Variants in CELF5 observed in about 807,000 individuals in gnomAD.
CELF5 encodes CUGBP Elav-like family member 5, also known as CUG-BP and ETR-3 like factor 5.
Under a neutral mutation model 54.9 loss-of-function variants are expected in CELF5, and 6 were observed. That is an observed-to-expected ratio of 0.11 (90% CI 0.06 to 0.22). The LOEUF (loss-of-function observed/expected upper bound fraction) is 0.22, where lower values mean the gene tolerates loss of function less well. Among genes scored for constraint, CELF5 ranks in the 10% least tolerant of loss-of-function variants. The pLI is 1.00. For missense variants in CELF5, 401 were observed against 678.6 expected, an observed-to-expected ratio of 0.59 and a Z score of 4.54; for synonymous variants, 271 against 290.9, an observed-to-expected ratio of 0.93 and a Z score of 0.70.
Position 3,228,010 on chromosome 19 carries a change from A to T in CELF5, c.259+3012A>T, listed in dbSNP as rs560492218. ...GTGCTGAGACTCAGAGAAAGGCAGG[A>T]GGCCTCATCCAGGAGCGGGGCAGGG... On this transcript the variant is annotated intron_variant, in intron 1 of 12. Transcript: ENST00000292672. The surrounding 1 kb of genome is among the most constrained non-coding windows in gnomAD (Gnocchi z 6.0). Among the ~76,000 whole-genome samples, 1 of 152,016 alleles carries T rather than the reference A, an allele frequency of 6.6e-6. No homozygotes were observed. Among genetic ancestry groups the T allele is most frequent in the East Asian group, 1.9e-4 (1 of 5,154 alleles).
At chr19:3,296,026 A>C (rs1039292194) in intron 12 of CELF5, 1 of 151,732 alleles carries the variant, frequency 6.6e-6, no homozygotes, top group Non-Finnish European at 1.5e-5. Context: ...ACTGGAGACG[A>C]ACTTGATAAT....
At chr19:3,283,985 G>A (rs575801607) in intron 8 of CELF5, among the ~76,000 whole-genome samples, 1 of 151,792 alleles carries the variant, frequency 6.6e-6, no homozygotes, top group South Asian at 2.1e-4. Flanking sequence ...CTACAGGCAC[G>A]TGCCATTATG....
intron 2 of CELF5, among the ~76,000 whole-genome samples, chr19:3,262,553 T>G (rs1258861846): frequency 1.3e-5 from 2 of 152,190 alleles, no homozygotes; most frequent in Non-Finnish European, 2.9e-5. Flanking sequence ...TACTGTATCA[T>G]GGACAGCATA....
chr19:3,229,298 G>A (rs1917133700), intron 1 of CELF5, among the ~76,000 whole-genome samples: 1 of 152,060 alleles, frequency 6.6e-6, no homozygotes, highest in African/African-American at 2.4e-5. Context: ...TGGGCTACTG[G>A]GTTGGGCAAA....
At chr19:3,244,405 A>C (rs1027060168) in intron 1 of CELF5, among the ~76,000 whole-genome samples, 1 of 141,662 alleles carries the variant, frequency 7.1e-6, no homozygotes. Flanking sequence ...GTGTGCATGC[A>C]TTGTGTGTAT....
At chr19:3,294,640 T>G (rs1354078007) in intron 12 of CELF5, 1 of 142,056 alleles carries the variant, frequency 7.0e-6, no homozygotes, top group Non-Finnish European at 1.6e-5. Flanking sequence ...CAGTCTGCAC[T>G]TTTTTTTTTT....
chr19:3,236,639 C>T (rs945255818), intron 1 of CELF5, among the ~76,000 whole-genome samples: 1 of 152,086 alleles, frequency 6.6e-6, no homozygotes, highest in African/African-American at 2.4e-5. Flanking sequence ...ATCGTAGGTG[C>T]TCAGGAATAT....
chr19:3,264,930 G>T (rs2079860479), intron 2 of CELF5, among the ~76,000 whole-genome samples: 1 of 151,912 alleles, frequency 6.6e-6, no homozygotes, highest in East Asian at 1.9e-4. Flanking sequence ...AGCCAGGTTG[G>T]TCTCAAACTC....
chr19:3,272,962 AT>A (rs879495470), intron 2 of CELF5, among the ~76,000 whole-genome samples: 9 of 151,176 alleles, frequency 6.0e-5, no homozygotes, highest in South Asian at 2.1e-4. Flanking sequence ...GCCAGTGAGA[AT>A]TTTTTTTTCA....
At chr19:3,237,382 T>G (rs2079431214) in intron 1 of CELF5, among the ~76,000 whole-genome samples, 2 of 150,832 alleles carry the variant, frequency 1.3e-5, no homozygotes, top group South Asian at 4.2e-4. Flanking sequence ...CCGCCTGGGC[T>G]GCTTGTTGGC....
intron 1 of CELF5, among the ~76,000 whole-genome samples, chr19:3,240,718 G>T (rs557272960): frequency 1.3e-5 from 2 of 151,994 alleles, no homozygotes; most frequent in East Asian, 3.9e-4. Flanking sequence ...TCAGGAAGCC[G>T]TCTCCAAGCA....
In CELF5 at chr19:3,258,119, G is replaced by A. The variant is rs557007373; in HGVS notation, c.342+7052G>A. On this transcript the variant is annotated intron_variant, in intron 2 of 12. Transcript: ENST00000292672. ...ATTACAGGTGCCTGCCACCAAGCCA[G>A]GATAATTTTTGTATTTTTAGTAGAG... 2.5e-3 allele frequency among the ~76,000 whole-genome samples: 382 copies of A among 151,976 alleles called. 5 individuals are homozygous for A. The highest frequency in any genetic ancestry group is 5.4e-3 in the South Asian group (26 of 4,808).
chr19:3,237,311 C>CAAAAA (rs1182124877), intron 1 of CELF5, among the ~76,000 whole-genome samples: 4 of 42,222 alleles, frequency 9.5e-5, no homozygotes, highest in African/African-American at 1.8e-4. Context: ...GACTCCGTCT[C>CAAAAA]AAAAAAAAAA....
At chr19:3,259,249 G>A (rs1038488054) in intron 2 of CELF5, among the ~76,000 whole-genome samples, 2 of 152,110 alleles carry the variant, frequency 1.3e-5, no homozygotes, top group Non-Finnish European at 2.9e-5. Flanking sequence ...TAGGTAAGGA[G>A]GGGTCTCAAC....
At chr19:3,248,849 TCTTTCTTCCTTC>T (rs1322151105) in intron 1 of CELF5, among the ~76,000 whole-genome samples, 50 of 132,646 alleles carry the variant, frequency 3.8e-4, no homozygotes, top group East Asian at 2.3e-3. Context: ...CTTTTTTCTT[TCTTTCTTCCTTC>T]CTTCCTTCCT....
At chr19:3,260,143 G>A (rs936911910) in intron 2 of CELF5, among the ~76,000 whole-genome samples, 7 of 152,088 alleles carry the variant, frequency 4.6e-5, no homozygotes, top group Admixed American at 4.6e-4. Context: ...TTGAGACAGA[G>A]TCTGTCTCCA....
At chr19:3,289,681 C>CAAA (rs35144942) in intron 10 of CELF5, among the ~76,000 whole-genome samples, 3,410 of 47,092 alleles carry the variant, frequency 0.072, 826 homozygotes, top group Non-Finnish European at 0.088. Context: ...GACTCCATCT[C>CAAA]AAAAAAAAAA....
intron 2 of CELF5, among the ~76,000 whole-genome samples, chr19:3,273,037 G>A (rs1361809894): frequency 6.6e-6 from 1 of 152,060 alleles, no homozygotes; most frequent in Non-Finnish European, 1.5e-5. Flanking sequence ...AATCCAGATG[G>A]CAGGCTGGTC....
intron 2 of CELF5, among the ~76,000 whole-genome samples, chr19:3,258,233 C>T (rs535501637): frequency 5.3e-5 from 8 of 152,174 alleles, no homozygotes; most frequent in Non-Finnish European, 8.8e-5. Flanking sequence ...GCTGGGATTA[C>T]AGGCATGAGC....
Sources: allele counts gnomAD v4.1 joint callset (sites outside exome capture counted in the v4.1 genomes callset), GRCh38; gene constraint gnomAD v4.1.1; non-coding constraint Gnocchi (gnomAD v3.1); transcripts MANE v1.5; gene names NCBI Gene and HGNC (gene_info 2026-07-23, HGNC 2026-07-21).